Variants in LYPLAL1 observed in about 807,000 individuals in gnomAD.
LYPLAL1 encodes the protein lysophospholipase-like protein 1.
In LYPLAL1, 23 loss-of-function variants were observed where a neutral mutation model predicts 19.7. The ratio of observed to expected loss-of-function variants is 1.17; its 90% CI spans 0.84 to 1.65. LYPLAL1 has a LOEUF of 1.65. LYPLAL1 is among the 40% of genes most tolerant of loss of function. The pLI is 0.00. For synonymous variants in LYPLAL1, 119 were observed against 96.3 expected, an observed-to-expected ratio of 1.24 and a Z score of -1.38; for missense variants, 355 against 279.4, an observed-to-expected ratio of 1.27 and a Z score of -1.93.
chr1:219,218,925 A>T, the LYPLAL1 span, among the ~76,000 whole-genome samples: 1 of 152,102 alleles, frequency 6.6e-6, no homozygotes, highest in Non-Finnish European at 1.5e-5. Flanking sequence ...AAATCCCATG[A>T]TTAAGGGTGT....
the LYPLAL1 span, among the ~76,000 whole-genome samples, chr1:219,242,479 G>A: frequency 1.3e-5 from 2 of 152,134 alleles, no homozygotes. Flanking sequence ...ACTTCTACAT[G>A]CCTGCAGTAG....
Position 219,176,352 on chromosome 1 carries a change from C to A in LYPLAL1, c.91+2371C>A, listed in dbSNP as rs571919621. Among the ~76,000 whole-genome samples, 287 of 152,258 alleles carry A rather than the reference C, an allele frequency of 1.9e-3. 2 individuals are homozygous for A. Among genetic ancestry groups the A allele is most frequent in the African/African-American group, 6.5e-3 (270 of 41,550 alleles). On this transcript the variant is annotated intron_variant, in intron 1 of 4. Coordinates refer to ENST00000366928, the MANE Select transcript of LYPLAL1 (RefSeq NM_138794.5). The stretch of plus-strand genomic sequence containing the variant: ...TGTAATGTCTGTATTCCACACTAAG[C>A]TAGTAGGTCCACAAAGCCCAAACCA...
the LYPLAL1 span, among the ~76,000 whole-genome samples, chr1:219,318,211 A>C: frequency 9.9e-3 from 1,506 of 152,118 alleles, 15 homozygotes; most frequent in South Asian, 0.029. Context: ...TGGATCAATT[A>C]TTATCAATAT....
At chr1:219,316,148 T>A in the LYPLAL1 span, among the ~76,000 whole-genome samples, 1 of 152,196 alleles carries the variant, frequency 6.6e-6, no homozygotes, top group Non-Finnish European at 1.5e-5. Flanking sequence ...TCATGGTGTT[T>A]ATCATCAAAG....
the LYPLAL1 span, among the ~76,000 whole-genome samples, chr1:219,253,798 G>T: frequency 6.6e-6 from 1 of 151,954 alleles, no homozygotes; most frequent in Non-Finnish European, 1.5e-5. Context: ...AGATCCATTT[G>T]GTCCAGTGTT....
the LYPLAL1 span, among the ~76,000 whole-genome samples, chr1:219,438,552 A>G: frequency 3.9e-5 from 6 of 152,358 alleles, no homozygotes; most frequent in East Asian, 1.2e-3. Flanking sequence ...CAGGAAAATT[A>G]GTCACATAGT....
chr1:219,303,815 T>C, the LYPLAL1 span, among the ~76,000 whole-genome samples: 1 of 152,198 alleles, frequency 6.6e-6, no homozygotes, highest in Admixed American at 6.5e-5. Flanking sequence ...AATGACATCA[T>C]AGGTATCTTA....
chr1:219,376,278 C>A, the LYPLAL1 span, among the ~76,000 whole-genome samples: 1 of 151,938 alleles, frequency 6.6e-6, no homozygotes, highest in Non-Finnish European at 1.5e-5. Flanking sequence ...AACTATATAT[C>A]CACTTGCAAA....
chr1:219,361,067 A>G, the LYPLAL1 span, among the ~76,000 whole-genome samples: 1 of 152,222 alleles, frequency 6.6e-6, no homozygotes, highest in Non-Finnish European at 1.5e-5. Context: ...CTCTCATAAC[A>G]GCTTGTCTTG....
the LYPLAL1 span, among the ~76,000 whole-genome samples, chr1:219,352,516 CAAATAAATAAAT>C: frequency 6.6e-6 from 1 of 150,678 alleles, no homozygotes; most frequent in African/African-American, 2.4e-5. Flanking sequence ...GACTCCGTCT[CAAATAAATAAAT>C]AAATAAATAA....
the LYPLAL1 span, among the ~76,000 whole-genome samples, chr1:219,405,312 G>A: frequency 2.0e-5 from 3 of 152,200 alleles, no homozygotes; most frequent in Non-Finnish European, 4.4e-5. Context: ...GGATTAAAAT[G>A]TGTGTGGTGT....
At chr1:219,187,834 A>G (rs1357330367) in intron 2 of LYPLAL1, among the ~76,000 whole-genome samples, 1 of 151,782 alleles carries the variant, frequency 6.6e-6, no homozygotes, top group Non-Finnish European at 1.5e-5. Context: ...TACTACAAGT[A>G]TGCTAGTAAG....
the LYPLAL1 span, among the ~76,000 whole-genome samples, chr1:219,352,609 CG>C: frequency 6.6e-6 from 1 of 152,114 alleles, no homozygotes; most frequent in African/African-American, 2.4e-5. Context: ...ATATAGTAGG[CG>C]TTCAGTAAAG....
chr1:219,281,038 G>T, the LYPLAL1 span, among the ~76,000 whole-genome samples: 1 of 152,170 alleles, frequency 6.6e-6, no homozygotes, highest in Non-Finnish European at 1.5e-5. Context: ...GACAAGGTGA[G>T]ACTGTCTCAA....
the LYPLAL1 span, among the ~76,000 whole-genome samples, chr1:219,277,306 A>G: frequency 6.6e-6 from 1 of 151,978 alleles, no homozygotes; most frequent in African/African-American, 2.4e-5. Flanking sequence ...AGCACCTTTC[A>G]CCCAGACCTG....
At chr1:219,414,186 G>A in the LYPLAL1 span, among the ~76,000 whole-genome samples, 4 of 152,182 alleles carry the variant, frequency 2.6e-5, no homozygotes, top group South Asian at 4.2e-4. Context: ...ACTGAATTTC[G>A]GTTTGATTGT....
the LYPLAL1 span, chr1:219,271,026 A>T: frequency 6.6e-6 from 1 of 152,138 alleles, no homozygotes; most frequent in Non-Finnish European, 1.5e-5. Flanking sequence ...GCTCACCGCA[A>T]CCTCCACCTC....
chr1:219,304,292 T>C, the LYPLAL1 span, among the ~76,000 whole-genome samples: 5 of 152,234 alleles, frequency 3.3e-5, no homozygotes, highest in Non-Finnish European at 1.5e-5. Context: ...TAGTAGATGC[T>C]AAATAACAAA....
the LYPLAL1 span, among the ~76,000 whole-genome samples, chr1:219,312,893 C>T: frequency 1.3e-5 from 2 of 152,178 alleles, no homozygotes; most frequent in Non-Finnish European, 2.9e-5. Flanking sequence ...GAAGTCTTAT[C>T]ACTGTGACTA....
Sources: allele counts gnomAD v4.1 joint callset (sites outside exome capture counted in the v4.1 genomes callset), GRCh38; gene constraint gnomAD v4.1.1; transcripts MANE v1.5; gene names NCBI Gene and HGNC (gene_info 2026-07-23, HGNC 2026-07-21).